KAZN: variants seen among roughly 807,000 people sequenced by gnomAD.
KAZN encodes kazrin, periplakin interacting protein, also known as kazrin.
Under a neutral mutation model 87.4 loss-of-function variants are expected in KAZN, and 40 were observed. The ratio of observed to expected loss-of-function variants is 0.46; its 90% CI spans 0.36 to 0.60. The LOEUF (loss-of-function observed/expected upper bound fraction) is 0.60. Ranked by LOEUF, KAZN falls within the 20% of genes least tolerant of loss-of-function variation. The pLI is 0.00. For synonymous variants in KAZN, 466 were observed against 458.3 expected, an observed-to-expected ratio of 1.02 and a Z score of -0.22; for missense variants, 898 against 1,073.9, an observed-to-expected ratio of 0.84 and a Z score of 2.29.
chr1:14,218,937 G>A (rs1188437961), intron 2 of KAZN, among the ~76,000 whole-genome samples: 3 of 152,068 alleles, frequency 2.0e-5, no homozygotes, highest in South Asian at 4.1e-4. Flanking sequence ...AGACACAACC[G>A]TACATCACAT....
At chr1:14,883,342 G>GAGAGAGAGAGAGAGAGAGAGAAAGAAAGA (rs1377953212) in intron 1 of KAZN, among the ~76,000 whole-genome samples, 1 of 33,492 alleles carries the variant, frequency 3.0e-5, no homozygotes, top group Non-Finnish European at 6.1e-5. Context: ...GAGAGAGAGA[G>GAGAGAGAGAGAGAGAGAGAGAAAGAAAGA]AAAGAAAGAA....
chr1:14,386,993 C>T (rs4622060), intron 2 of KAZN, among the ~76,000 whole-genome samples: 7,210 of 152,248 alleles, frequency 0.047, 283 homozygotes, highest in Admixed American at 0.13. Flanking sequence ...TCCCATATTT[C>T]TTGGGAGGCT....
At chr1:14,875,789 A>T (rs1404326011) in intron 1 of KAZN, among the ~76,000 whole-genome samples, 1 of 152,230 alleles carries the variant, frequency 6.6e-6, no homozygotes, top group East Asian at 1.9e-4. Context: ...AACACTTGCC[A>T]GTACACCACT....
rs575038335 is a variant in KAZN, at chr1:14,831,151, C to T, written c.227-129533C>T. The stretch of plus-strand genomic sequence containing the variant: ...CTGGGATTACAGGCGTGAGCCACCA[C>T]GCCTGCCCAATTCTCTTGTTTTTGC... On this transcript the variant is annotated intron_variant, in intron 1 of 14. Transcript: ENST00000376030. 4.9e-4 allele frequency among the ~76,000 whole-genome samples: 75 copies of T among 152,354 alleles called. 1 individual carries two copies. Among genetic ancestry groups the T allele is most frequent in the Admixed American group, 8.5e-4 (13 of 15,314 alleles).
intron 2 of KAZN, among the ~76,000 whole-genome samples, chr1:14,483,162 C>A (rs1217680431): frequency 6.6e-6 from 1 of 152,160 alleles, no homozygotes. Flanking sequence ...GATCTCAAAT[C>A]TGATTTATCT....
chr1:14,325,848 T>A (rs1001998006), intron 2 of KAZN, among the ~76,000 whole-genome samples: 2 of 152,184 alleles, frequency 1.3e-5, no homozygotes, highest in African/African-American at 2.4e-5. Flanking sequence ...GAGACAACCC[T>A]GTGTCTTAAG....
Position 15,094,406 on chromosome 1 carries a change from T to TATGGGATGCCACCC in KAZN, c.1428+25_1428+38dup, listed in dbSNP as rs1553188804. On this transcript the variant is annotated intron_variant, in intron 9 of 14. Transcript: ENST00000376030. The surrounding 1 kb of genome is among the most constrained non-coding windows in gnomAD (Gnocchi z 4.5). ...GGAAGGTAGGCAACTCCGGGCCCCC[T>TATGGGATGCCACCC]ATGGGATGCCACCCATGCCCTCTGT... The TATGGGATGCCACCC allele has an allele frequency of 6.3e-7, 1 of 1,597,074 alleles. No homozygotes were observed. Among genetic ancestry groups the TATGGGATGCCACCC allele is most frequent in the Non-Finnish European group, 8.5e-7 (1 of 1,170,284 alleles).
chr1:14,014,742 C>T (rs918329150), intron 1 of KAZN, among the ~76,000 whole-genome samples: 3 of 152,162 alleles, frequency 2.0e-5, no homozygotes, highest in African/African-American at 7.2e-5. Context: ...AGAAAAAGTA[C>T]ATCTTGGAGA....
At chr1:14,331,445 G>T (rs977605593) in intron 2 of KAZN, among the ~76,000 whole-genome samples, 1 of 152,146 alleles carries the variant, frequency 6.6e-6, no homozygotes, top group Non-Finnish European at 1.5e-5. Context: ...TGGTTTCCAA[G>T]GTATGGCATT....
intron 2 of KAZN, among the ~76,000 whole-genome samples, chr1:14,434,109 A>T (rs544586296): frequency 1.3e-5 from 2 of 152,290 alleles, no homozygotes; most frequent in South Asian, 4.1e-4. Flanking sequence ...AAATAGATGC[A>T]TCCATTGGCT....
intron 1 of KAZN, among the ~76,000 whole-genome samples, chr1:14,024,038 G>A (rs1015572926): frequency 2.0e-5 from 3 of 152,186 alleles, no homozygotes; most frequent in South Asian, 2.1e-4. Context: ...AGCACCCCAC[G>A]GAGAAGGAAA....
chr1:14,716,155 G>A (rs1642783347), intron 1 of KAZN, among the ~76,000 whole-genome samples: 1 of 152,188 alleles, frequency 6.6e-6, no homozygotes. Context: ...ATATGTGCAT[G>A]TGTATGTATG....
chr1:14,264,249 T>C (rs1045993903), intron 2 of KAZN, among the ~76,000 whole-genome samples: 2 of 152,156 alleles, frequency 1.3e-5, no homozygotes, highest in African/African-American at 4.8e-5. Context: ...TTCCTCGCAA[T>C]TGTAGGACTG....
chr1:13,972,609 C>A (rs75743829), intron 1 of KAZN, among the ~76,000 whole-genome samples: 1,768 of 152,230 alleles, frequency 0.012, 35 homozygotes, highest in African/African-American at 0.041. Context: ...GACCCCCAGC[C>A]TTTTACTCTG....
intron 1 of KAZN, among the ~76,000 whole-genome samples, chr1:14,716,521 C>T (rs1569635): frequency 0.39 from 58,694 of 151,978 alleles, 11,773 homozygotes; most frequent in East Asian, 0.56. Context: ...TCCCTTGGAC[C>T]ATTGCAGTAA....
chr1:14,571,923 A>C (rs1323225821), intron 2 of KAZN, among the ~76,000 whole-genome samples: 2 of 152,160 alleles, frequency 1.3e-5, no homozygotes, highest in Non-Finnish European at 2.9e-5. Context: ...TTGAACCAGG[A>C]GCATCCACCT....
intron 13 of KAZN, 34 bp from the exon 14 acceptor site, chr1:15,112,393 C>T: frequency 7.8e-7 from 1 of 1,280,962 alleles, no homozygotes; most frequent in Non-Finnish European, 1.1e-6. Flanking sequence ...CTGACTGAGC[C>T]TCCCCTGCTG....
intron 2 of KAZN, among the ~76,000 whole-genome samples, chr1:14,416,361 C>G (rs1382246147): frequency 5.9e-5 from 9 of 152,132 alleles, no homozygotes; most frequent in African/African-American, 1.9e-4. Context: ...CTTCTTGATA[C>G]AGAATCAAGT....
At chr1:14,246,225 G>A (rs187572077) in intron 2 of KAZN, among the ~76,000 whole-genome samples, 8 of 152,164 alleles carry the variant, frequency 5.3e-5, no homozygotes, top group South Asian at 2.1e-4. Flanking sequence ...AATGCATGCC[G>A]GGCTTAATAC....
Sources: gnomAD v4.1 joint callset for allele counts (sites outside exome capture counted in the v4.1 genomes callset) on GRCh38, gnomAD v4.1.1 for gene constraint, Gnocchi (gnomAD v3.1) non-coding constraint, MANE v1.5 for transcripts, NCBI Gene and HGNC (gene_info 2026-07-23, HGNC 2026-07-21) for gene names.